AIMP1: variants seen among roughly 807,000 people sequenced by gnomAD.
AIMP1 encodes aminoacyl tRNA synthase complex-interacting multifunctional protein 1.
AIMP1 carries 24 observed loss-of-function variants against 33.1 expected under a neutral mutation model. The observed-to-expected ratio is 0.73, with a 90% CI of 0.53 to 1.02. AIMP1 has a LOEUF of 1.02. Among genes scored for constraint, AIMP1 ranks in the 50% least tolerant of loss-of-function variants. The pLI is 0.00. For synonymous variants in AIMP1, 120 were observed against 121.5 expected, an observed-to-expected ratio of 0.99 and a Z score of 0.08; for missense variants, 367 against 364.8, an observed-to-expected ratio of 1.01 and a Z score of -0.05.
At chr4:106,331,058 A>C (rs1213149626) in intron 4 of AIMP1, among the ~76,000 whole-genome samples, 1 of 152,212 alleles carries the variant, frequency 6.6e-6, no homozygotes, top group African/African-American at 2.4e-5. Context: ...ATATCTTCAG[A>C]GAAATCTAAG....
intron 4 of AIMP1, among the ~76,000 whole-genome samples, chr4:106,329,767 CAT>C (rs1769597344): frequency 8.1e-6 from 1 of 123,406 alleles, no homozygotes; most frequent in South Asian, 3.1e-4. Flanking sequence ...TAGACTGCTA[CAT>C]ATCTTTTTTT....
chr4:106,337,846 T>G (rs927676417), intron 6 of AIMP1, among the ~76,000 whole-genome samples: 1 of 152,180 alleles, frequency 6.6e-6, no homozygotes, highest in African/African-American at 2.4e-5. Context: ...TTGAATGGCT[T>G]TGACCAAAAT....
intron 4 of AIMP1, among the ~76,000 whole-genome samples, chr4:106,329,576 T>G (rs1769588376): frequency 6.6e-6 from 1 of 152,166 alleles, no homozygotes; most frequent in Non-Finnish European, 1.5e-5. Context: ...ATGTGGGTAG[T>G]ATGACTAAAC....
At chr4:106,320,919 G>A (rs1247386023) in intron 1 of AIMP1, among the ~76,000 whole-genome samples, 1 of 152,092 alleles carries the variant, frequency 6.6e-6, no homozygotes, top group Non-Finnish European at 1.5e-5. Flanking sequence ...ACTGGTTTTT[G>A]TATTTTTTGG....
At chr4:106,337,852 A>G (rs1269326361) in intron 6 of AIMP1, among the ~76,000 whole-genome samples, 1 of 152,236 alleles carries the variant, frequency 6.6e-6, no homozygotes, top group Non-Finnish European at 1.5e-5. Flanking sequence ...GGCTTTGACC[A>G]AAATGCTGAT....
At chr4:106,319,593 A>G (rs1769118908) in intron 1 of AIMP1, among the ~76,000 whole-genome samples, 1 of 152,204 alleles carries the variant, frequency 6.6e-6, no homozygotes, top group Non-Finnish European at 1.5e-5. Context: ...TAAAGGAAAA[A>G]GAAAAGGTCT....
Position 106,337,054 on chromosome 4 carries a change from A to T in AIMP1, c.772+17A>T, listed in dbSNP as rs776206780. 6.2e-7 allele frequency: 1 copy of T among 1,606,956 alleles called. No homozygotes were observed. Among genetic ancestry groups the T allele is most frequent in the Admixed American group, 1.7e-5 (1 of 60,008 alleles). The stretch of plus-strand genomic sequence containing the variant: ...CTTTCCCAGGTAGGTATTTATTAGT[A>T]ATTACTTAATAGTTTCGGAATCAGT... On this transcript the variant is annotated intron_variant, in intron 6 of 6. Coordinates refer to ENST00000672341, the MANE Select transcript of AIMP1 (RefSeq NM_001142416.2).
intron 1 of AIMP1, among the ~76,000 whole-genome samples, chr4:106,320,277 TC>T (rs1320982293): frequency 6.6e-6 from 1 of 152,254 alleles, no homozygotes; most frequent in African/African-American, 2.4e-5. Context: ...TGTTAAACTA[TC>T]ACTGTGCCCT....
rs1204467755 is a variant in AIMP1, at chr4:106,348,838, A to G, written c.*1146A>G. On this transcript the variant is annotated 3_prime_UTR_variant, in exon 7 of 7. Transcript: ENST00000672341. ...TGGGCCTTACCTTTACAGGTTCAAC[A>G]AAAGAATGGCATCAATAGAGGCAGA... The G allele has an allele frequency of 6.6e-6, 1 of 152,124 alleles. No individual in the cohort carries two copies. Among genetic ancestry groups the G allele is most frequent in the African/African-American group, 2.4e-5 (1 of 41,442 alleles). 9.4% of individuals were successfully genotyped at this position (152,124 alleles called of 1,614,324 possible).
chr4:106,337,353 A>G (rs1769923968), intron 6 of AIMP1, among the ~76,000 whole-genome samples: 1 of 152,158 alleles, frequency 6.6e-6, no homozygotes, highest in African/African-American at 2.4e-5. Flanking sequence ...GGTGGGAGGT[A>G]ACTGAATCCT....
At chr4:106,316,414 G>A, upstream of AIMP1, 2 of 828,548 alleles carry the variant, frequency 2.4e-6, no homozygotes, top group South Asian at 1.5e-5. Context: ...GCGTGGTATG[G>A]CAGGTTAATG....
chr4:106,328,179 C>G lies in AIMP1; in HGVS notation c.327C>G (p.Thr109=). The change falls in exon 4 of 7, where the codon ACC becomes ACG. Residue 109 remains threonine, a synonymous_variant. Transcript: ENST00000672341. ...STAVTTVSSG[T]KEQIKGGTGD... ...CAGTAACAACCGTATCTTCTGGTAC[C>G]AAAGAACAGATAAAAGGAGGAACAG... 2.5e-6 allele frequency: 4 copies of G among 1,612,710 alleles called. No homozygotes were observed. The highest frequency in any genetic ancestry group is 3.4e-6 in the Non-Finnish European group (4 of 1,179,340).
intron 6 of AIMP1, among the ~76,000 whole-genome samples, chr4:106,346,050 C>T (rs1770284671): frequency 6.6e-6 from 1 of 151,542 alleles, no homozygotes; most frequent in African/African-American, 2.4e-5. Flanking sequence ...TTTATTACCT[C>T]CAGGAAAATA....
chr4:106,345,760 C>G (rs927991460), intron 6 of AIMP1, among the ~76,000 whole-genome samples: 2 of 150,998 alleles, frequency 1.3e-5, no homozygotes, highest in African/African-American at 4.8e-5. Context: ...CAATGACCAA[C>G]TAATTTACAC....
intron 4 of AIMP1, among the ~76,000 whole-genome samples, chr4:106,330,102 T>C (rs1769617919): frequency 1.3e-5 from 2 of 152,114 alleles, no homozygotes; most frequent in South Asian, 2.1e-4. Flanking sequence ...CATATCTTAA[T>C]TGAGCGTCAC....
intron 6 of AIMP1, among the ~76,000 whole-genome samples, chr4:106,340,019 A>T (rs1257221135): frequency 6.6e-6 from 1 of 152,228 alleles, no homozygotes; most frequent in Non-Finnish European, 1.5e-5. Context: ...AAGAGAAAAG[A>T]TTCTTGGCAG....
rs151123024 is a variant in AIMP1 at position 106,328,161 on chromosome 4, A to C, written c.309A>C (p.Thr103=). 1,510 of 1,613,584 alleles carry C rather than the reference A, an allele frequency of 9.4e-4. 20 individuals carry two copies. In the South Asian group the frequency reaches 0.013, roughly 14 times the overall value. Residue 103 remains threonine, a synonymous_variant, in exon 4 of 7, where the codon ACA becomes ACC. Coordinates refer to ENST00000672341, the MANE Select transcript of AIMP1 (RefSeq NM_001142416.2). ...ATGTGATACAGTCTACAGCAGTAACAACCGTATCTTCTGGTACCAAAGAAC... is the reference window on the plus strand; with the variant it reads ...ATGTGATACAGTCTACAGCAGTAACCACCGTATCTTCTGGTACCAAAGAAC... ...SENVIQSTAV[T]TVSSGTKEQI... is the part of the protein sequence containing the mutation.
At chr4:106,330,173 GATT>G (rs1218130417) in intron 4 of AIMP1, among the ~76,000 whole-genome samples, 3 of 152,092 alleles carry the variant, frequency 2.0e-5, no homozygotes, top group Non-Finnish European at 4.4e-5. Context: ...TCTTGGTATA[GATT>G]TTAATATTTG....
At chr4:106,333,839 G>GCT (rs3840308) in intron 5 of AIMP1, among the ~76,000 whole-genome samples, 22,731 of 152,114 alleles carry the variant, frequency 0.15, 1,822 homozygotes, top group South Asian at 0.25. Context: ...TCTAACTGTT[G>GCT]CTTTTTTTCT....
Sources: allele counts gnomAD v4.1 joint callset (sites outside exome capture counted in the v4.1 genomes callset), GRCh38; gene constraint gnomAD v4.1.1; transcripts MANE v1.5; gene names NCBI Gene and HGNC (gene_info 2026-07-23, HGNC 2026-07-21).